GLDN: variants seen among roughly 807,000 people sequenced by gnomAD.
GLDN encodes collomin.
In GLDN, 47 loss-of-function variants were observed where a neutral mutation model predicts 56.5. The observed-to-expected ratio is 0.83, with a 90% CI of 0.66 to 1.06. GLDN has a LOEUF of 1.06. Ranked by LOEUF, GLDN falls within the 50% of genes least tolerant of loss-of-function variation. The pLI is 0.00. For missense variants in GLDN, 782 were observed against 714.3 expected, an observed-to-expected ratio of 1.09 and a Z score of -1.08; for synonymous variants, 332 against 278.8, an observed-to-expected ratio of 1.19 and a Z score of -1.90.
chr15:51,343,386 C>T (rs1473029294), intron 1 of GLDN, among the ~76,000 whole-genome samples: 2 of 152,176 alleles, frequency 1.3e-5, no homozygotes, highest in Non-Finnish European at 2.9e-5. Context: ...AATTCATTCT[C>T]GCCCTTTCAG....
intron 1 of GLDN, among the ~76,000 whole-genome samples, chr15:51,358,557 A>G (rs901701080): frequency 1.3e-5 from 2 of 152,210 alleles, no homozygotes; most frequent in South Asian, 2.1e-4. Flanking sequence ...GGTAAGCACA[A>G]TTAAATTCAT....
chr15:51,376,876 G>A (rs892730800), intron 1 of GLDN, among the ~76,000 whole-genome samples: 15 of 152,148 alleles, frequency 9.9e-5, no homozygotes, highest in Non-Finnish European at 1.5e-5. Flanking sequence ...CATGCATGGA[G>A]CTGTGACAAC....
At chr15:51,403,814 C>T (rs977854512) in intron 9 of GLDN, among the ~76,000 whole-genome samples, 1 of 152,170 alleles carries the variant, frequency 6.6e-6, no homozygotes, top group African/African-American at 2.4e-5. Flanking sequence ...TCTGGCTCTG[C>T]CTCTTACTTG....
chr15:51,400,933 G>A (rs958442952), intron 8 of GLDN, among the ~76,000 whole-genome samples: 2 of 152,162 alleles, frequency 1.3e-5, no homozygotes, highest in Non-Finnish European at 1.5e-5. Flanking sequence ...AGAGCCCAGG[G>A]AGAAGGTGAA....
chr15:51,362,227 G>A (rs532208271), intron 1 of GLDN, among the ~76,000 whole-genome samples: 5 of 152,294 alleles, frequency 3.3e-5, no homozygotes, highest in Middle Eastern at 6.8e-3. Flanking sequence ...GCTCATGCCT[G>A]TAATCCCAGA....
At chr15:51,388,446 C>T (rs777656789) in intron 4 of GLDN, among the ~76,000 whole-genome samples, 17 of 152,258 alleles carry the variant, frequency 1.1e-4, no homozygotes, top group Middle Eastern at 3.4e-3. Flanking sequence ...ACTCCCCAAG[C>T]GCAATCAATC....
chr15:51,343,214 C>T lies in GLDN; in HGVS notation c.363+1167C>T, dbSNP rs533099770. 3.3e-4 allele frequency among the ~76,000 whole-genome samples: 51 copies of T among 152,292 alleles called. 1 individual carries two copies. In the South Asian group the frequency reaches 7.7e-3, roughly 23 times the overall value. On this transcript the variant is annotated intron_variant, in intron 1 of 9. Transcript: ENST00000335449. ...ATGAGCTGAAATGCTTTTAAAACTA[C>T]GTAAAAGTACTACATACTTCAAATA...
intron 4 of GLDN, among the ~76,000 whole-genome samples, chr15:51,387,373 A>G (rs556469317): frequency 1.3e-5 from 2 of 152,296 alleles, no homozygotes; most frequent in African/African-American, 4.8e-5. Context: ...CATGAGATGT[A>G]TGTTTGAAGG....
At chr15:51,363,425 G>A (rs918945796) in intron 1 of GLDN, among the ~76,000 whole-genome samples, 11 of 152,110 alleles carry the variant, frequency 7.2e-5, no homozygotes, top group South Asian at 4.1e-4. Flanking sequence ...TGAAAACATC[G>A]GTACTTCTAA....
intron 1 of GLDN, among the ~76,000 whole-genome samples, chr15:51,358,760 T>A (rs1233694382): frequency 6.6e-6 from 1 of 152,126 alleles, no homozygotes; most frequent in African/African-American, 2.4e-5. Context: ...TGGGACCAAT[T>A]TGACCCTCAA....
At chr15:51,393,910 T>A (rs2038071746) in intron 4 of GLDN, among the ~76,000 whole-genome samples, 3 of 152,232 alleles carry the variant, frequency 2.0e-5, no homozygotes. Flanking sequence ...TACCTTTTGT[T>A]CACCATCCCT....
chr15:51,402,096 A>T (rs2038266857), intron 9 of GLDN, among the ~76,000 whole-genome samples: 1 of 152,204 alleles, frequency 6.6e-6, no homozygotes, highest in Non-Finnish European at 1.5e-5. Context: ...CTGCTCCCTG[A>T]TAAAGTTTTG....
downstream of GLDN, among the ~76,000 whole-genome samples, chr15:51,412,231 G>A (rs908250768): frequency 6.6e-6 from 1 of 152,164 alleles, no homozygotes; most frequent in African/African-American, 2.4e-5. Context: ...TCAAATTCAG[G>A]CAGTCTGACA....
At chr15:51,362,076 G>T (rs1005604046) in intron 1 of GLDN, among the ~76,000 whole-genome samples, 1 of 152,182 alleles carries the variant, frequency 6.6e-6, no homozygotes, top group African/African-American at 2.4e-5. Flanking sequence ...TGAGCCATGT[G>T]GATATGTGGG....
intron 1 of GLDN, among the ~76,000 whole-genome samples, chr15:51,374,408 T>A (rs2037580714): frequency 6.6e-6 from 1 of 152,072 alleles, no homozygotes; most frequent in African/African-American, 2.4e-5. Flanking sequence ...AGTGAATCAA[T>A]TTTTTTTCTG....
chr15:51,371,592 G>A (rs2037517204), intron 1 of GLDN, among the ~76,000 whole-genome samples: 1 of 152,206 alleles, frequency 6.6e-6, no homozygotes, highest in Non-Finnish European at 1.5e-5. Context: ...TGCCAGTAGG[G>A]CCCATTTGGG....
At chr15:51,381,767 G>GTTTTTT (rs144718027) in intron 2 of GLDN, among the ~76,000 whole-genome samples, 3 of 150,808 alleles carry the variant, frequency 2.0e-5, no homozygotes, top group African/African-American at 7.4e-5. Context: ...GATCCCCTAG[G>GTTTTTT]GTTTTTTTTT....
chr15:51,387,489 A>G (rs2037923087), intron 4 of GLDN, among the ~76,000 whole-genome samples: 1 of 152,178 alleles, frequency 6.6e-6, no homozygotes, highest in South Asian at 2.1e-4. Flanking sequence ...GGGTGCGGTC[A>G]CACAGCCAGG....
chr15:51,394,907 G>A lies in GLDN; in HGVS notation c.614G>A (p.Gly205Glu). The change falls in exon 5 of 10, where the codon GGA becomes GAA. Residue 205 changes from glycine (G) to glutamate (E), a missense_variant. By Grantham distance (98) the Gly-to-Glu change is moderately conservative (BLOSUM62 -2). Coordinates refer to ENST00000335449, the MANE Select transcript of GLDN (RefSeq NM_181789.4). ...KGDHGELGLQGNEGPPGQKGE... is the reference protein window; with the variant it reads ...KGDHGELGLQENEGPPGQKGE... ...GACCATGGTGAACTGGGCCTGCAGGGAAATGAGGGCCCACCAGGGCAGAAG... is the reference window on the plus strand; with the variant it reads ...GACCATGGTGAACTGGGCCTGCAGGAAAATGAGGGCCCACCAGGGCAGAAG... The A allele has an allele frequency of 1.9e-6, 3 of 1,613,312 alleles. No individual in the cohort carries two copies. The highest frequency in any genetic ancestry group is 2.5e-6 in the Non-Finnish European group (3 of 1,179,564).
Sources: gnomAD v4.1 joint callset for allele counts (sites outside exome capture counted in the v4.1 genomes callset) on GRCh38, gnomAD v4.1.1 for gene constraint, MANE v1.5 for transcripts, NCBI Gene and HGNC (gene_info 2026-07-23, HGNC 2026-07-21) for gene names.